Variants in C12orf42 observed in about 807,000 individuals in gnomAD.
C12orf42 encodes chromosome 12 open reading frame 42.
C12orf42 carries 25 observed loss-of-function variants against 21.6 expected under a neutral mutation model. That is an observed-to-expected ratio of 1.16 (90% CI 0.84 to 1.62). The LOEUF (loss-of-function observed/expected upper bound fraction) is 1.62, where lower values mean the gene tolerates loss of function less well. Among genes scored for constraint, C12orf42 ranks in the 40% most tolerant of loss-of-function variants. The pLI is 0.00. For missense variants in C12orf42, 483 were observed against 459.3 expected (o/e 1.05, Z -0.47); for synonymous variants, 174 against 175.0 (o/e 0.99, Z 0.05).
chr12:103,171,216 C>A, the C12orf42 span, among the ~76,000 whole-genome samples: 1 of 152,132 alleles, frequency 6.6e-6, no homozygotes, highest in Admixed American at 6.6e-5. Flanking sequence ...TGACCCTGCA[C>A]AATCTTTCAT....
chr12:103,359,665 G>A (rs1412994878), intron 4 of C12orf42, among the ~76,000 whole-genome samples: 1 of 151,978 alleles, frequency 6.6e-6, no homozygotes, highest in African/African-American at 2.4e-5. Flanking sequence ...TTATGAAGGG[G>A]CATGAGACAA....
chr12:103,506,901 TA>T, the C12orf42 span, among the ~76,000 whole-genome samples: 1 of 52,250 alleles, frequency 1.9e-5, no homozygotes, highest in Non-Finnish European at 2.9e-5. Context: ...TATATATTTA[TA>T]TATTATATAT....
chr12:103,488,799 T>G (rs548618024), intron 1 of C12orf42, among the ~76,000 whole-genome samples: 2 of 152,380 alleles, frequency 1.3e-5, no homozygotes, highest in Non-Finnish European at 2.9e-5. Flanking sequence ...TTCAGCTCCA[T>G]CAGTTCACTT....
At chr12:103,100,863 A>C in the C12orf42 span, among the ~76,000 whole-genome samples, 1 of 152,188 alleles carries the variant, frequency 6.6e-6, no homozygotes, top group Non-Finnish European at 1.5e-5. Flanking sequence ...GGACAAAAAA[A>C]AGATATATAA....
intron 3 of C12orf42, among the ~76,000 whole-genome samples, chr12:103,372,908 G>A (rs186416218): frequency 6.6e-6 from 1 of 152,264 alleles, no homozygotes; most frequent in Non-Finnish European, 1.5e-5. Context: ...TTGAAATGCA[G>A]TATTATATTC....
chr12:103,248,624 T>C (rs1052673143), intron 10 of C12orf42, among the ~76,000 whole-genome samples: 6 of 152,006 alleles, frequency 3.9e-5, no homozygotes, highest in African/African-American at 1.2e-4. Context: ...TTGAGAAAAT[T>C]CCGAAGAGTA....
At chr12:103,126,244 A>C in the C12orf42 span, among the ~76,000 whole-genome samples, 4 of 152,170 alleles carry the variant, frequency 2.6e-5, no homozygotes, top group Admixed American at 6.5e-5. Flanking sequence ...CCTCCTAGAC[A>C]TGGTTGTTTT....
At chr12:103,334,147 T>A (rs1311457526) in intron 4 of C12orf42, among the ~76,000 whole-genome samples, 2 of 152,220 alleles carry the variant, frequency 1.3e-5, no homozygotes, top group Non-Finnish European at 2.9e-5. Context: ...AAGTTGTGCC[T>A]GTACAATGTT....
chr12:103,529,473 C>T, the C12orf42 span, among the ~76,000 whole-genome samples: 4 of 152,326 alleles, frequency 2.6e-5, no homozygotes, highest in East Asian at 5.8e-4. Context: ...GTCGGCTCTC[C>T]TCCCTTCTCA....
chr12:103,306,756 C>T (rs535200599), intron 4 of C12orf42, among the ~76,000 whole-genome samples: 1 of 152,162 alleles, frequency 6.6e-6, no homozygotes, highest in Non-Finnish European at 1.5e-5. Flanking sequence ...TAACCCGCAG[C>T]ACCTGTGCAT....
intron 4 of C12orf42, among the ~76,000 whole-genome samples, chr12:103,345,166 A>T (rs2137322293): frequency 6.6e-6 from 1 of 152,324 alleles, no homozygotes; most frequent in East Asian, 1.9e-4. Context: ...GGGATCATTA[A>T]ATAAAGGGAT....
At chr12:103,221,508 A>G in the C12orf42 span, among the ~76,000 whole-genome samples, 1 of 152,212 alleles carries the variant, frequency 6.6e-6, no homozygotes, top group East Asian at 1.9e-4. Flanking sequence ...AAGCAATTAA[A>G]TTACTTATGA....
At chr12:103,091,112 T>C in the C12orf42 span, among the ~76,000 whole-genome samples, 1 of 152,200 alleles carries the variant, frequency 6.6e-6, no homozygotes, top group African/African-American at 2.4e-5. Context: ...CAGTAATTAT[T>C]GGCATTCAGG....
intron 2 of C12orf42, chr12:103,477,090 G>A (rs966863564): frequency 6.6e-6 from 1 of 152,212 alleles, no homozygotes; most frequent in African/African-American, 2.4e-5. Flanking sequence ...CAGACACTGA[G>A]CTAGACCCTG....
chr12:103,335,310 CACTT>C (rs1452875336), intron 4 of C12orf42, among the ~76,000 whole-genome samples: 2 of 152,176 alleles, frequency 1.3e-5, no homozygotes, highest in African/African-American at 4.8e-5. Context: ...TTTAAATAAA[CACTT>C]ACCTCCACAC....
intron 4 of C12orf42, among the ~76,000 whole-genome samples, chr12:103,334,319 G>A (rs542881870): frequency 6.6e-6 from 1 of 152,126 alleles, no homozygotes; most frequent in Non-Finnish European, 1.5e-5. Context: ...AACAAATAAG[G>A]AGTAATTTAA....
At chr12:103,513,122 T>C in the C12orf42 span, among the ~76,000 whole-genome samples, 5 of 152,186 alleles carry the variant, frequency 3.3e-5, no homozygotes, top group South Asian at 4.2e-4. Context: ...CCCATCCAGG[T>C]CAGTTCCTGT....
chr12:103,331,646 A>G (rs1040861830), intron 4 of C12orf42, among the ~76,000 whole-genome samples: 8 of 152,216 alleles, frequency 5.3e-5, no homozygotes, highest in Non-Finnish European at 2.9e-5. Flanking sequence ...GACAAGAATT[A>G]CAATGCAGAG....
the C12orf42 span, among the ~76,000 whole-genome samples, chr12:103,195,077 G>A: frequency 1.1e-4 from 16 of 152,010 alleles, no homozygotes; most frequent in Non-Finnish European, 1.9e-4. Flanking sequence ...TGTTAATTTG[G>A]TTAGGATAAT....
Sources: allele counts gnomAD v4.1 joint callset (sites outside exome capture counted in the v4.1 genomes callset), GRCh38; gene constraint gnomAD v4.1.1; transcripts MANE v1.5; gene names NCBI Gene and HGNC (gene_info 2026-07-23, HGNC 2026-07-21).